The following TACR1 variants were observed in gnomAD, a reference collection of about 807,000 sequenced individuals.
TACR1 encodes tachykinin receptor 1.
TACR1 carries 25 observed loss-of-function variants against 35.8 expected under a neutral mutation model. That is an observed-to-expected ratio of 0.70 (90% CI 0.51 to 0.98). The LOEUF is 0.98. TACR1 is among the 50% of genes least tolerant of loss of function. TACR1 has a pLI of 0.00. For synonymous variants in TACR1, 195 were observed against 206.7 expected (o/e 0.94, Z 0.48); for missense variants, 478 against 522.9 (o/e 0.91, Z 0.84).
intron 4 of TACR1, 47 bp downstream of exon 4, chr2:75,051,204 A>G (rs1311413412): frequency 9.9e-6 from 16 of 1,613,336 alleles, no homozygotes; most frequent in Non-Finnish European, 1.3e-5. Context: ...CTGTGTATGT[A>G]GATGGTCTTG....
At position 75,120,710 on chromosome 2, in the gene TACR1, C is replaced by G; in HGVS notation, c.448G>C (p.Val150Leu). The change falls in exon 2 of 5, where the codon GTC (valine) becomes CTC (leucine). Residue 150 changes from valine to leucine, a missense_variant. Val to Leu is a conservative substitution (Grantham distance 32, BLOSUM62 1). Transcript: ENST00000305249. ...GCCAGGACCCAGATGACACAGATGA[C>G]CACTTTGGTGGCTGTGGCTGACAGC... ...PRLSATATKVVICVIWVLALL... is the reference protein window; with the variant it reads ...PRLSATATKVLICVIWVLALL... 1 of 1,613,930 alleles carries G rather than the reference C, an allele frequency of 6.2e-7. No individual in the cohort carries two copies. The highest frequency in any genetic ancestry group is 1.3e-5 in the African/African-American group (1 of 75,002).
intron 1 of TACR1, among the ~76,000 whole-genome samples, chr2:75,127,208 AT>A (rs927442004): frequency 1.3e-5 from 2 of 151,978 alleles, no homozygotes; most frequent in Admixed American, 6.6e-5. Flanking sequence ...CTTCCAGGAT[AT>A]TTTTTTATCA....
intron 2 of TACR1, among the ~76,000 whole-genome samples, chr2:75,070,032 G>T (rs920128719): frequency 1.7e-4 from 26 of 152,142 alleles, no homozygotes; most frequent in African/African-American, 6.3e-4. Flanking sequence ...ATTATCCTGT[G>T]TGGGAGGTTT....
At position 75,088,888 on chromosome 2, in the gene TACR1, C is replaced by A. The variant is rs148119571; in HGVS notation, c.584+31686G>T. Among the ~76,000 whole-genome samples the A allele has an allele frequency of 9.7e-4, 148 of 152,314 alleles. 1 individual carries two copies. The highest frequency in any genetic ancestry group is 3.5e-3 in the African/African-American group (146 of 41,572). ...CACATCTTCTCCCTCTTCCCCACAGCTCATCTGCTTTAGCTGCGTGTGGTT... is the reference window on the plus strand; with the variant it reads ...CACATCTTCTCCCTCTTCCCCACAGATCATCTGCTTTAGCTGCGTGTGGTT... On this transcript the variant is annotated intron_variant, in intron 2 of 4. Coordinates refer to ENST00000305249, the MANE Select transcript of TACR1 (RefSeq NM_001058.4).
chr2:75,192,347 G>T (rs1003303590), intron 1 of TACR1, among the ~76,000 whole-genome samples: 41 of 152,202 alleles, frequency 2.7e-4, no homozygotes, highest in African/African-American at 8.7e-4. Flanking sequence ...GAAGAGGCCT[G>T]AGACAAGTAG....
At chr2:75,102,821 AAT>A (rs1673565119) in intron 2 of TACR1, among the ~76,000 whole-genome samples, 1 of 152,212 alleles carries the variant, frequency 6.6e-6, no homozygotes, top group Admixed American at 6.5e-5. Flanking sequence ...CATGATTCAG[AAT>A]GATGGATGAT....
chr2:75,090,940 C>G (rs1673296226), intron 2 of TACR1: 1 of 152,982 alleles, frequency 6.5e-6, no homozygotes, highest in South Asian at 2.1e-4. Flanking sequence ...CTGGTCTGTT[C>G]TTAGTCACAC....
intron 1 of TACR1, among the ~76,000 whole-genome samples, chr2:75,121,013 C>G (rs72918570): frequency 1.9e-3 from 289 of 152,258 alleles, no homozygotes; most frequent in African/African-American, 6.7e-3. Context: ...TAGCAGCATT[C>G]AAGGAGAGAC....
chr2:75,137,461 C>T (rs1006291354), intron 1 of TACR1, among the ~76,000 whole-genome samples: 2 of 152,068 alleles, frequency 1.3e-5, no homozygotes, highest in African/African-American at 2.4e-5. Context: ...CATGGTGCCT[C>T]ATGCCTTTAA....
intron 1 of TACR1, among the ~76,000 whole-genome samples, chr2:75,124,946 C>A (rs1674045009): frequency 6.6e-6 from 1 of 152,178 alleles, no homozygotes; most frequent in African/African-American, 2.4e-5. Flanking sequence ...TACGGCCAGT[C>A]ATGACCAAGA....
At chr2:75,154,137 A>G (rs1674742058) in intron 1 of TACR1, among the ~76,000 whole-genome samples, 1 of 152,154 alleles carries the variant, frequency 6.6e-6, no homozygotes, top group Admixed American at 6.5e-5. Context: ...TGCTTGGCCT[A>G]CAGGAAGCTG....
Position 75,120,649 on chromosome 2 carries a change from G to T in TACR1, c.509C>A (p.Thr170Asn). 6.2e-7 allele frequency: 1 copy of T among 1,614,102 alleles called. No homozygotes were observed. Among genetic ancestry groups the T allele is most frequent in the Non-Finnish European group, 8.5e-7 (1 of 1,180,008 alleles). The change falls in exon 2 of 5, where the codon ACC becomes AAC. Residue 170 changes from threonine to asparagine, a missense_variant. Thr to Asn is a moderately conservative substitution (Grantham distance 65). Coordinates refer to ENST00000305249, the MANE Select transcript of TACR1 (RefSeq NM_001058.4). ...GACTCTGCTGGGCATGGTCTCTGTG[G>T]TTGAGTAGTAGCCCTGGGGGAAGGC... is the stretch of plus-strand genomic sequence containing the variant. ...LLAFPQGYYS[T>N]TETMPSRVVC... is the part of the protein sequence containing the mutation.
At chr2:75,104,326 G>A (rs1273794717) in intron 2 of TACR1, among the ~76,000 whole-genome samples, 1 of 151,592 alleles carries the variant, frequency 6.6e-6, no homozygotes, top group Non-Finnish European at 1.5e-5. Flanking sequence ...ATGATAAAGG[G>A]GTCAATTCAT....
intron 1 of TACR1, among the ~76,000 whole-genome samples, chr2:75,132,844 C>T (rs1368819409): frequency 6.6e-6 from 1 of 152,236 alleles, no homozygotes; most frequent in Non-Finnish European, 1.5e-5. Context: ...TGAATTTGGT[C>T]TGCATCCCCA....
intron 2 of TACR1, among the ~76,000 whole-genome samples, chr2:75,063,920 A>C (rs952698435): frequency 3.3e-5 from 5 of 152,160 alleles, no homozygotes; most frequent in African/African-American, 1.2e-4. Context: ...AGGTTAGAGA[A>C]TGGTCTCAGT....
rs567499628 is a variant in TACR1, at chr2:75,057,870, A to G, written c.585-4115T>C. ...ACTTGGTGTCACTGAATTGTACACTATAAAATGGCAAATTTTGTTATACAT... is the reference window on the plus strand; with the variant it reads ...ACTTGGTGTCACTGAATTGTACACTGTAAAATGGCAAATTTTGTTATACAT... On this transcript the variant is annotated intron_variant, in intron 2 of 4. Coordinates refer to ENST00000305249, the MANE Select transcript of TACR1 (RefSeq NM_001058.4). Among the ~76,000 whole-genome samples, 8 of 152,340 alleles carry G rather than the reference A, an allele frequency of 5.3e-5. No homozygotes were observed. In the South Asian group the frequency reaches 1.2e-3, roughly 24 times the overall value.
At chr2:75,119,976 C>T (rs560474928) in intron 2 of TACR1, among the ~76,000 whole-genome samples, 4 of 152,242 alleles carry the variant, frequency 2.6e-5, no homozygotes, top group East Asian at 1.9e-4. Context: ...AAGGAAAGCT[C>T]GGACGTGATG....
chr2:75,055,174 T>C (rs1268985203), intron 2 of TACR1, among the ~76,000 whole-genome samples: 2 of 152,246 alleles, frequency 1.3e-5, no homozygotes, highest in African/African-American at 4.8e-5. Flanking sequence ...AACCCACTTA[T>C]TCACTCAATT....
At chr2:75,154,237 G>C (rs1674745796) in intron 1 of TACR1, 1 of 152,004 alleles carries the variant, frequency 6.6e-6, no homozygotes, top group South Asian at 2.1e-4. Flanking sequence ...GGAAAATCCT[G>C]TTTCTGAAAA....
Sources: allele counts gnomAD v4.1 joint callset (sites outside exome capture counted in the v4.1 genomes callset), GRCh38; gene constraint gnomAD v4.1.1; transcripts MANE v1.5; gene names NCBI Gene and HGNC (gene_info 2026-07-23, HGNC 2026-07-21).